The following OSBPL10 variants were observed in gnomAD, a reference collection of about 807,000 sequenced individuals.
The protein encoded by OSBPL10 is oxysterol-binding protein-related protein 10.
Under a neutral mutation model 81.7 loss-of-function variants are expected in OSBPL10, and 49 were observed. The ratio of observed to expected loss-of-function variants is 0.60; its 90% CI spans 0.48 to 0.76. The LOEUF (loss-of-function observed/expected upper bound fraction) is 0.76, where lower values mean the gene tolerates loss of function less well. Among genes scored for constraint, OSBPL10 ranks in the 30% least tolerant of loss-of-function variants. The pLI is 0.00. For synonymous variants in OSBPL10, 419 were observed against 383.6 expected (o/e 1.09, Z -1.08); for missense variants, 923 against 987.8 (o/e 0.93, Z 0.88).
At chr3:31,791,734 C>T (rs1575546764) in intron 4 of OSBPL10, among the ~76,000 whole-genome samples, 1 of 151,038 alleles carries the variant, frequency 6.6e-6, no homozygotes, top group Admixed American at 6.6e-5. Flanking sequence ...CCCTAAAAAG[C>T]TAGTAACCAC....
intron 1 of OSBPL10, among the ~76,000 whole-genome samples, chr3:31,948,794 A>G (rs952446213): frequency 6.6e-6 from 1 of 152,220 alleles, no homozygotes; most frequent in Non-Finnish European, 1.5e-5. Context: ...TACAATCTGG[A>G]CCAAGACATT....
At chr3:31,706,858 A>C (rs2125604225) in intron 6 of OSBPL10, among the ~76,000 whole-genome samples, 1 of 152,272 alleles carries the variant, frequency 6.6e-6, no homozygotes, top group South Asian at 2.1e-4. Flanking sequence ...TCCCTGTCAC[A>C]GGCTTCGTTC....
chr3:31,740,829 ATAAACT>A (rs1447512917), intron 5 of OSBPL10, among the ~76,000 whole-genome samples: 1 of 146,116 alleles, frequency 6.8e-6, no homozygotes, highest in Admixed American at 6.7e-5. Context: ...AATGGTTATG[ATAAACT>A]TAATATGACC....
chr3:31,737,778 G>A (rs1013265820), intron 5 of OSBPL10, among the ~76,000 whole-genome samples: 1 of 152,052 alleles, frequency 6.6e-6, no homozygotes, highest in Non-Finnish European at 1.5e-5. Flanking sequence ...GATCACCTGA[G>A]GTCAGGAGTT....
intron 5 of OSBPL10, among the ~76,000 whole-genome samples, chr3:31,741,475 G>A (rs2125683956): frequency 6.6e-6 from 1 of 152,314 alleles, no homozygotes; most frequent in African/African-American, 2.4e-5. Flanking sequence ...ATGTTGGCCT[G>A]GATGATCTTG....
At chr3:31,954,483 C>A (rs1428595418) in intron 1 of OSBPL10, among the ~76,000 whole-genome samples, 4 of 152,160 alleles carry the variant, frequency 2.6e-5, no homozygotes, top group African/African-American at 9.7e-5. Flanking sequence ...ATAAATGAAT[C>A]CCAAAATGTT....
At chr3:32,069,185 G>A (rs998399893) in intron 1 of OSBPL10, among the ~76,000 whole-genome samples, 20 of 152,196 alleles carry the variant, frequency 1.3e-4, no homozygotes, top group African/African-American at 3.6e-4. Flanking sequence ...CAGGAATTCC[G>A]ATATCTAACT....
rs1344952099 is a variant in OSBPL10 at position 31,794,170 on chromosome 3, G to T, written c.729+35870C>A. Among the ~76,000 whole-genome samples the T allele has an allele frequency of 5.3e-5, 8 of 152,222 alleles. No homozygotes were observed. The East Asian group carries it at 1.5e-3, about 29-fold the overall frequency. The stretch of plus-strand genomic sequence containing the variant: ...GTTTTTCTGTTTGTTTTGAGACAGA[G>T]TCTTGCTCTTGTTGTCCAGGTTGGA... On this transcript the variant is annotated intron_variant, in intron 4 of 11. Transcript: ENST00000396556.
In OSBPL10 at chr3:31,835,803, C is replaced by A. The variant is rs559018798; in HGVS notation, c.538-5572G>T. ...ATATGTGAAAGCTAAGGATAAAAAT[C>A]CTTTTCCTCTAAAAGTAAATATACT... On this transcript the variant is annotated intron_variant, in intron 3 of 11. Coordinates refer to ENST00000396556, the MANE Select transcript of OSBPL10 (RefSeq NM_017784.5). Among the ~76,000 whole-genome samples, 5 of 152,240 alleles carry A rather than the reference C, an allele frequency of 3.3e-5. No individual in the cohort carries two copies. The South Asian group carries it at 1.0e-3, about 32-fold the overall frequency.
chr3:31,979,017 G>A (rs1030183067), intron 1 of OSBPL10, among the ~76,000 whole-genome samples: 2 of 152,156 alleles, frequency 1.3e-5, no homozygotes, highest in African/African-American at 4.8e-5. Flanking sequence ...GTAATCCAGG[G>A]TAAAAGCTTT....
In OSBPL10 at chr3:31,706,710, C is replaced by A. The variant is rs147571584; in HGVS notation, c.1096-4202G>T. Among the ~76,000 whole-genome samples the A allele has an allele frequency of 1.7e-4, 26 of 152,272 alleles. No individual in the cohort carries two copies. The East Asian group carries it at 4.6e-3, about 27-fold the overall frequency. ...CATCTCTTAAACAAATATCTTAATT[C>A]TTCAATACAAATGCAGATTTCAAGC... On this transcript the variant is annotated intron_variant, in intron 6 of 11. Coordinates refer to ENST00000396556, the MANE Select transcript of OSBPL10 (RefSeq NM_017784.5).
intron 4 of OSBPL10, among the ~76,000 whole-genome samples, chr3:31,785,159 A>G (rs1440224881): frequency 6.6e-6 from 1 of 152,232 alleles, no homozygotes; most frequent in East Asian, 1.9e-4. Flanking sequence ...TGCCGGGATT[A>G]CAGGCGTGAA....
intron 4 of OSBPL10, among the ~76,000 whole-genome samples, chr3:31,811,391 A>G (rs1699676678): frequency 6.6e-6 from 1 of 152,164 alleles, no homozygotes; most frequent in East Asian, 1.9e-4. Context: ...ACTGTGCCCC[A>G]TGTGCGGCGC....
intron 1 of OSBPL10, among the ~76,000 whole-genome samples, chr3:31,943,994 AAGTTCTTT>A (rs1697616924): frequency 6.7e-6 from 1 of 149,676 alleles, no homozygotes; most frequent in Non-Finnish European, 1.5e-5. Flanking sequence ...AAAAAAAAAA[AAGTTCTTT>A]AGAAACAACA....
intron 1 of OSBPL10, among the ~76,000 whole-genome samples, chr3:31,935,603 A>C (rs1484224685): frequency 1.3e-5 from 2 of 150,948 alleles, no homozygotes; most frequent in Non-Finnish European, 2.9e-5. Flanking sequence ...GGCTCACTGC[A>C]ACCTCTGTCT....
At chr3:31,701,422 C>A (rs573054622) in intron 7 of OSBPL10, among the ~76,000 whole-genome samples, 76 of 152,340 alleles carry the variant, frequency 5.0e-4, no homozygotes, top group Non-Finnish European at 9.7e-4. Context: ...CTCTACCCTA[C>A]CACAGTCGAA....
chr3:31,867,392 A>G (rs1358219493), intron 3 of OSBPL10, among the ~76,000 whole-genome samples: 2 of 152,220 alleles, frequency 1.3e-5, no homozygotes, highest in Non-Finnish European at 2.9e-5. Flanking sequence ...TAGATGTATA[A>G]AATACCAGGA....
At chr3:31,815,632 G>T (rs1018158364) in intron 4 of OSBPL10, among the ~76,000 whole-genome samples, 1 of 152,126 alleles carries the variant, frequency 6.6e-6, no homozygotes, top group East Asian at 1.9e-4. Context: ...TGCCTCTGCT[G>T]GAAGCTGAAC....
At chr3:31,959,556 C>A (rs1265428718) in intron 1 of OSBPL10, among the ~76,000 whole-genome samples, 1 of 152,098 alleles carries the variant, frequency 6.6e-6, no homozygotes, top group Non-Finnish European at 1.5e-5. Context: ...AATACATAAG[C>A]CAGAACATCA....
Sources: gnomAD v4.1 joint callset for allele counts (sites outside exome capture counted in the v4.1 genomes callset) on GRCh38, gnomAD v4.1.1 for gene constraint, MANE v1.5 for transcripts, NCBI Gene and HGNC (gene_info 2026-07-23, HGNC 2026-07-21) for gene names.